The following KIF15 variants were observed in gnomAD, a reference collection of about 807,000 sequenced individuals.
KIF15 encodes kinesin family member 15, also known as kinesin-like protein KIF15.
KIF15 carries 140 observed loss-of-function variants against 190.6 expected under a neutral mutation model. The ratio of observed to expected loss-of-function variants is 0.73; its 90% CI spans 0.64 to 0.84. The LOEUF (loss-of-function observed/expected upper bound fraction) is 0.84, where lower values mean the gene tolerates loss of function less well. KIF15 is among the 40% of genes least tolerant of loss of function. The pLI, the probability that KIF15 is intolerant of heterozygous loss-of-function variation, is 0.00. For missense variants in KIF15, 1,372 were observed against 1,584.4 expected (o/e 0.87, Z 2.28); for synonymous variants, 528 against 551.3 (o/e 0.96, Z 0.59).
At chr3:44,834,361 C>A (rs181850471) in intron 26 of KIF15, among the ~76,000 whole-genome samples, 56 of 152,216 alleles carry the variant, frequency 3.7e-4, no homozygotes, top group Non-Finnish European at 7.2e-4. Flanking sequence ...CTGTTATTTG[C>A]AGATGGTCAT....
At chr3:44,814,697 T>A (rs1400406620) in intron 19 of KIF15, among the ~76,000 whole-genome samples, 1 of 152,178 alleles carries the variant, frequency 6.6e-6, no homozygotes, top group Non-Finnish European at 1.5e-5. Context: ...GTTAATGCTT[T>A]CTATTTCAGT....
chr3:44,859,382 G>T (rs959642925), intron 6 of KIF15, among the ~76,000 whole-genome samples: 2 of 152,160 alleles, frequency 1.3e-5, no homozygotes, highest in Non-Finnish European at 2.9e-5. Flanking sequence ...TGGAGCTGGC[G>T]GCTTGGGTGC....
At chr3:44,867,705 A>AT (rs1388788059) in intron 6 of KIF15, among the ~76,000 whole-genome samples, 2 of 152,226 alleles carry the variant, frequency 1.3e-5, no homozygotes, top group African/African-American at 4.8e-5. Context: ...AAGATGTAAG[A>AT]TTTTTTCTAA....
At chr3:44,774,593 C>A (rs1705789202) in intron 2 of KIF15, among the ~76,000 whole-genome samples, 156 bp downstream of exon 2, 1 of 152,206 alleles carries the variant, frequency 6.6e-6, no homozygotes, top group Non-Finnish European at 1.5e-5. Context: ...CCTCTGCCCT[C>A]TCACTTTCCA....
chr3:44,804,906 G>T, intron 14 of KIF15, 121 bp from the exon 15 acceptor site: 1 of 1,000,730 alleles, frequency 1.0e-6, no homozygotes. Flanking sequence ...ACCAGAATTT[G>T]GGGCTTTAGT....
chr3:44,858,539 C>T (rs191568169), intron 6 of KIF15, among the ~76,000 whole-genome samples: 10 of 151,682 alleles, frequency 6.6e-5, no homozygotes, highest in South Asian at 6.2e-4. Context: ...GGGGGGGATA[C>T]GAGAGGAAGA....
intron 32 of KIF15, among the ~76,000 whole-genome samples, chr3:44,850,922 T>C (rs927874104): frequency 1.3e-5 from 2 of 152,216 alleles, no homozygotes; most frequent in African/African-American, 4.8e-5. Flanking sequence ...AATGGTGTAA[T>C]AATACATCAT....
chr3:44,852,498 C>A (rs988752147), intron 34 of KIF15, among the ~76,000 whole-genome samples, 159 bp downstream of exon 34: 3 of 151,754 alleles, frequency 2.0e-5, no homozygotes, highest in Non-Finnish European at 4.4e-5. Flanking sequence ...CTATTCTGAG[C>A]CTAATTCAAT....
intron 26 of KIF15, among the ~76,000 whole-genome samples, chr3:44,831,329 A>G (rs998797906): frequency 6.6e-6 from 1 of 152,174 alleles, no homozygotes; most frequent in African/African-American, 2.4e-5. Flanking sequence ...GTATACTACT[A>G]ATGTATTATT....
chr3:44,833,577 G>A (rs891058580), intron 26 of KIF15, among the ~76,000 whole-genome samples: 5 of 152,130 alleles, frequency 3.3e-5, no homozygotes, highest in Admixed American at 6.5e-5. Flanking sequence ...TGCTGCCACT[G>A]ATTTGACAGG....
chr3:44,790,281 G>A (rs1310888310), intron 7 of KIF15, among the ~76,000 whole-genome samples: 2 of 151,850 alleles, frequency 1.3e-5, no homozygotes, highest in African/African-American at 4.8e-5. Context: ...GGGTTCAAAC[G>A]ATTCTTGTGC....
rs1426515149 is a variant in KIF15, at chr3:44,829,615, A to G, written c.2944-356A>G. 6.1e-5 allele frequency among the ~76,000 whole-genome samples: 8 copies of G among 131,974 alleles called. No homozygotes were observed. In the South Asian group the frequency reaches 6.4e-4, roughly 11 times the overall value. The allele number at this position is 131,974 out of a possible 152,430, so 86.6% of individuals were successfully genotyped here. ...TATATTATATATGCATATATATTATATATGTATATACATTATATATGTATA... is the reference window on the plus strand; with the variant it reads ...TATATTATATATGCATATATATTATGTATGTATATACATTATATATGTATA... On this transcript the variant is annotated intron_variant, in intron 24 of 34. Coordinates refer to ENST00000326047, the MANE Select transcript of KIF15 (RefSeq NM_020242.3).
At chr3:44,775,554 C>T (rs1575579628) in intron 3 of KIF15, 117 bp downstream of exon 3, 1 of 668,578 alleles carries the variant, frequency 1.5e-6, no homozygotes, top group Non-Finnish European at 2.4e-6. Flanking sequence ...CTCCCGGGTT[C>T]AAGTGATTCT....
Position 44,813,179 on chromosome 3 carries a change from CTG to C in KIF15, c.2383+1_2383+2del, listed in dbSNP as rs1707874349. 2 of 1,555,828 alleles carry C rather than the reference CTG, an allele frequency of 1.3e-6. No homozygotes were observed. Among genetic ancestry groups the C allele is most frequent in the Admixed American group, 1.8e-5 (1 of 55,682 alleles). On this transcript the variant is annotated splice_donor_variant and coding_sequence_variant, in exon 19 of 35. Coordinates refer to ENST00000326047, the MANE Select transcript of KIF15 (RefSeq NM_020242.3). LOFTEE classifies it high-confidence loss of function. ...TTCAAGAGACTCAAACTAAAAATGA[CTG>C]TAAGTTATTCTATCAGGAGCTTTGT...
At position 44,802,842 on chromosome 3, in the gene KIF15, A is replaced by G. The variant is rs1256930135; in HGVS notation, c.1538A>G (p.Tyr513Cys). The change falls in exon 14 of 35, where the codon TAT becomes TGT. Residue 513 changes from tyrosine to cysteine, a missense_variant. Tyr to Cys is a radical substitution (Grantham distance 194). Coordinates refer to ENST00000326047, the MANE Select transcript of KIF15 (RefSeq NM_020242.3). The part of the protein sequence containing the change: ...QIEHHPRVAK[Y>C]AMENHSLREE... ...GAGCACCACCCCAGAGTTGCAAAGT[A>G]TGCTATGGAAAATCATTCCCTCAGG... 4 of 1,595,704 alleles carry G rather than the reference A, an allele frequency of 2.5e-6. No homozygotes were observed. The highest frequency in any genetic ancestry group is 3.4e-6 in the Non-Finnish European group (4 of 1,175,166).
In KIF15 at chr3:44,774,415, A is replaced by G; in HGVS notation, c.40A>G (p.Asn14Asp). The change falls in exon 2 of 35, where the codon AAT (asparagine) becomes GAT (aspartate). Residue 14 changes from asparagine (N) to aspartate (D), a missense_variant. Coordinates refer to ENST00000326047, the MANE Select transcript of KIF15 (RefSeq NM_020242.3). Reference sequence around the variant, plus strand: ...TCTAGCTGAGTTACGCAGCGTGACAAATGGTCAGTCTAACCAACCAAGGTA... The same window carrying G: ...TCTAGCTGAGTTACGCAGCGTGACAGATGGTCAGTCTAACCAACCAAGGTA... ...GCKTELRSVTNGQSNQPSNEG... is the reference protein window; with the variant it reads ...GCKTELRSVTDGQSNQPSNEG... The G allele has an allele frequency of 1.9e-6, 3 of 1,613,768 alleles. No homozygotes were observed. Among genetic ancestry groups the G allele is most frequent in the South Asian group, 1.1e-5 (1 of 90,966 alleles).
intron 12 of KIF15, 44 bp downstream of exon 12, chr3:44,801,570 T>C (rs775486519): frequency 7.7e-7 from 1 of 1,298,778 alleles, no homozygotes; most frequent in Non-Finnish European, 1.1e-6. Context: ...AGATAGTTAG[T>C]TTTTTGCTGT....
chr3:44,836,073 A>G (rs1323484866), intron 26 of KIF15, among the ~76,000 whole-genome samples: 1 of 152,192 alleles, frequency 6.6e-6, no homozygotes, highest in Non-Finnish European at 1.5e-5. Context: ...AGGGATGGGC[A>G]CGGTGACTCA....
intron 8 of KIF15, among the ~76,000 whole-genome samples, chr3:44,796,304 A>G (rs558708166): frequency 6.6e-6 from 1 of 152,164 alleles, no homozygotes; most frequent in Non-Finnish European, 1.5e-5. Flanking sequence ...GATTGCAGTG[A>G]GCTGTGATTG....
Sources: allele counts gnomAD v4.1 joint callset (sites outside exome capture counted in the v4.1 genomes callset), GRCh38; gene constraint gnomAD v4.1.1; transcripts MANE v1.5; gene names NCBI Gene and HGNC (gene_info 2026-07-23, HGNC 2026-07-21).